VANGL2: variants seen among roughly 807,000 people sequenced by gnomAD.
The protein encoded by VANGL2 is VANGL planar cell polarity protein 2.
VANGL2 carries 14 observed loss-of-function variants against 50.2 expected under a neutral mutation model. The observed-to-expected ratio is 0.28, with a 90% CI of 0.18 to 0.44. VANGL2 has a LOEUF of 0.44. VANGL2 is among the 20% of genes least tolerant of loss of function. VANGL2 has a pLI of 1.00. For synonymous variants in VANGL2, 295 were observed against 297.2 expected, an observed-to-expected ratio of 0.99 and a Z score of 0.08; for missense variants, 533 against 701.5, an observed-to-expected ratio of 0.76 and a Z score of 2.71.
At position 160,425,423 on chromosome 1, in the gene VANGL2, G is replaced by T. The variant is rs770485421; in HGVS notation, c.*45G>T. 28 of 1,298,546 alleles carry T rather than the reference G, an allele frequency of 2.2e-5. No homozygotes were observed. The South Asian group carries it at 3.9e-4, about 18-fold the overall frequency. 80.4% of individuals were successfully genotyped at this position (1,298,546 alleles called of 1,614,324 possible). ...GTGGGAAACTCTGGGGGGTCCTGAG[G>T]GGGTGGGAGGGGGCTTGGTTCTCAG... On this transcript the variant is annotated 3_prime_UTR_variant, in exon 8 of 8. Transcript: ENST00000368061.
intron 1 of VANGL2, among the ~76,000 whole-genome samples, chr1:160,412,729 G>A (rs1421525048): frequency 6.6e-6 from 1 of 152,122 alleles, no homozygotes; most frequent in Admixed American, 6.5e-5. Context: ...ACTCTGTTAA[G>A]AAGATGAATG....
intron 1 of VANGL2, among the ~76,000 whole-genome samples, chr1:160,402,879 A>T (rs956789004): frequency 1.3e-4 from 20 of 151,954 alleles, no homozygotes; most frequent in African/African-American, 4.6e-4. Flanking sequence ...GCCTTCCCCC[A>T]TTGCACACTC....
intron 1 of VANGL2, among the ~76,000 whole-genome samples, chr1:160,406,144 T>G (rs1439912359): frequency 6.6e-6 from 1 of 152,198 alleles, no homozygotes; most frequent in Admixed American, 6.5e-5. Flanking sequence ...ATAAGGAAAC[T>G]GAAGTTTGGA....
chr1:160,416,544 T>G (rs1651066846), intron 3 of VANGL2, among the ~76,000 whole-genome samples: 1 of 152,002 alleles, frequency 6.6e-6, no homozygotes, highest in African/African-American at 2.4e-5. Context: ...GGGGTATGTG[T>G]GAGCAAAGCT....
intron 1 of VANGL2, among the ~76,000 whole-genome samples, chr1:160,414,309 T>C (rs1650981925): frequency 6.6e-6 from 1 of 152,216 alleles, no homozygotes; most frequent in Non-Finnish European, 1.5e-5. Context: ...TCCTCAACTC[T>C]AGCTCCACTG....
Position 160,419,711 on chromosome 1 carries a change from G to A in VANGL2, c.800+102G>A. The A allele has an allele frequency of 1.3e-6, 2 of 1,483,466 alleles. No individual in the cohort carries two copies. The highest frequency in any genetic ancestry group is 8.9e-7 in the Non-Finnish European group (1 of 1,118,960). The allele number at this position is 1,483,466 out of a possible 1,614,324, so 91.9% of individuals were successfully genotyped here. On this transcript the variant is annotated intron_variant, in intron 4 of 7. Coordinates refer to ENST00000368061, the MANE Select transcript of VANGL2 (RefSeq NM_020335.3). This position sits in a 1 kb window ranked among gnomAD's most constrained non-coding sequence, Gnocchi z 5.8. ...GTATGATGGTGGGCTGGAGGTGATG[G>A]GCTTGGAGGGTTGTGTGGGAGGGAG...
At chr1:160,423,319 C>T (rs1406862336) in intron 6 of VANGL2, among the ~76,000 whole-genome samples, 1 of 152,152 alleles carries the variant, frequency 6.6e-6, no homozygotes, top group Non-Finnish European at 1.5e-5. Flanking sequence ...CTTTTTGCTG[C>T]ATAGTAGTTC....
At position 160,424,071 on chromosome 1, in the gene VANGL2, G is replaced by A; in HGVS notation, c.1093G>A (p.Glu365Lys). 6.2e-7 allele frequency: 1 copy of A among 1,614,026 alleles called. No homozygotes were observed. Among genetic ancestry groups the A allele is most frequent in the South Asian group, 1.1e-5 (1 of 91,086 alleles). ...CCCTAGGCTTGTAGTGGCGGTGGAG[G>A]AGGCCTTCACTCACATTAAGCGGCT... ...RRARLVVAVEEAFTHIKRLQE... is the reference protein window; with the variant it reads ...RRARLVVAVEKAFTHIKRLQE... Residue 365 changes from glutamate (E) to lysine (K), a missense_variant, in exon 7 of 8, where the codon GAG becomes AAG. By Grantham distance (56) the Glu-to-Lys change is moderately conservative. Transcript: ENST00000368061.
intron 6 of VANGL2, among the ~76,000 whole-genome samples, chr1:160,422,805 AGT>A (rs755479452): frequency 6.6e-6 from 1 of 151,678 alleles, no homozygotes; most frequent in Non-Finnish European, 1.5e-5. Context: ...CATCCTGTTG[AGT>A]GTGTTTGACT....
chr1:160,403,340 T>A (rs1650547227), intron 1 of VANGL2, among the ~76,000 whole-genome samples: 1 of 152,084 alleles, frequency 6.6e-6, no homozygotes. Flanking sequence ...GAGGAGGAAT[T>A]GTGGTCAGAT....
intron 1 of VANGL2, among the ~76,000 whole-genome samples, chr1:160,410,534 C>T (rs1051981279): frequency 5.3e-5 from 8 of 152,134 alleles, no homozygotes; most frequent in African/African-American, 1.2e-4. Context: ...GTCTGGTCAT[C>T]GGCCCCCAGC....
At chr1:160,407,653 A>G (rs530478265) in intron 1 of VANGL2, among the ~76,000 whole-genome samples, 5 of 152,316 alleles carry the variant, frequency 3.3e-5, no homozygotes, top group Non-Finnish European at 7.3e-5. Context: ...CTCGAGCAGC[A>G]GGCTAGGAAG....
Position 160,419,698 on chromosome 1 carries a change from G to C in VANGL2, c.800+89G>C. On this transcript the variant is annotated intron_variant, in intron 4 of 7. Coordinates refer to ENST00000368061, the MANE Select transcript of VANGL2 (RefSeq NM_020335.3). The surrounding 1 kb of genome is among the most constrained non-coding windows in gnomAD (Gnocchi z 5.8). ...CTAGGGTGGGAGGGTATGATGGTGG[G>C]CTGGAGGTGATGGGCTTGGAGGGTT... 6.6e-7 allele frequency: 1 copy of C among 1,525,788 alleles called. No individual in the cohort carries two copies. Among genetic ancestry groups the C allele is most frequent in the Non-Finnish European group, 8.7e-7 (1 of 1,143,324 alleles). The allele number at this position is 1,525,788 out of a possible 1,614,324, so 94.5% of individuals were successfully genotyped here.
chr1:160,411,157 C>G (rs1650869165), intron 1 of VANGL2, among the ~76,000 whole-genome samples: 1 of 152,140 alleles, frequency 6.6e-6, no homozygotes, highest in African/African-American at 2.4e-5. Context: ...TCTCTCCTCC[C>G]TGGCCTCATT....
At position 160,421,109 on chromosome 1, in the gene VANGL2, G is replaced by A. The variant is rs750743551; in HGVS notation, c.995G>A (p.Arg332Gln). The change falls in exon 6 of 8, where the codon CGG becomes CAG. Residue 332 changes from arginine to glutamine, a missense_variant. Transcript: ENST00000368061. ...CGGGCTGTGATTGCAGCGGCAGCTC[G>A]GAGGCGGGACAACAGTCACAATGAG... ...QSRAVIAAAA[R>Q]RRDNSHNEYY... is the part of the protein sequence containing the mutation. 111 of 1,613,988 alleles carry A rather than the reference G, an allele frequency of 6.9e-5. 1 individual carries two copies. Among genetic ancestry groups the A allele is most frequent in the Non-Finnish European group, 4.2e-6 (5 of 1,180,038 alleles).
intron 1 of VANGL2, among the ~76,000 whole-genome samples, chr1:160,410,708 G>A (rs867929615): frequency 6.6e-6 from 1 of 150,772 alleles, no homozygotes; most frequent in African/African-American, 2.5e-5. Context: ...ACGCACGCAC[G>A]CACGCACTAC....
At position 160,424,175 on chromosome 1, in the gene VANGL2, C is replaced by T. The variant is rs750679281; in HGVS notation, c.1197C>T (p.Ala399=). ...CCCAAGCCATCTTTGCATCCATGGC[C>T]CGTGCCATGCAGAAGTACCTTCGGA... ...EAAQAIFASM[A]RAMQKYLRTT... The change falls in exon 7 of 8, where the codon GCC becomes GCT. Residue 399 remains alanine, a synonymous_variant. Coordinates refer to ENST00000368061, the MANE Select transcript of VANGL2 (RefSeq NM_020335.3). 5 of 1,614,190 alleles carry T rather than the reference C, an allele frequency of 3.1e-6. No homozygotes were observed. The highest frequency in any genetic ancestry group is 1.1e-5 in the South Asian group (1 of 91,082).
intron 3 of VANGL2, among the ~76,000 whole-genome samples, chr1:160,418,037 G>A (rs571522778): frequency 2.0e-5 from 3 of 150,822 alleles, no homozygotes; most frequent in South Asian, 2.1e-4. Flanking sequence ...TCAGCCTCCC[G>A]AGTAGCTGGG....
chr1:160,423,005 A>G (rs1651323552), intron 6 of VANGL2, among the ~76,000 whole-genome samples: 1 of 151,868 alleles, frequency 6.6e-6, no homozygotes, highest in Non-Finnish European at 1.5e-5. Context: ...TCCTGGGTTC[A>G]AGTAATTTTC....
Sources: allele counts gnomAD v4.1 joint callset (sites outside exome capture counted in the v4.1 genomes callset), GRCh38; gene constraint gnomAD v4.1.1; non-coding constraint Gnocchi (gnomAD v3.1); transcripts MANE v1.5; gene names NCBI Gene and HGNC (gene_info 2026-07-23, HGNC 2026-07-21).